ACSS1: variants seen among roughly 807,000 people sequenced by gnomAD.
ACSS1 encodes acyl-CoA synthetase short chain family member 1.
Under a neutral mutation model 75.3 loss-of-function variants are expected in ACSS1, and 42 were observed. The observed-to-expected ratio is 0.56, with a 90% CI of 0.44 to 0.72. ACSS1 has a LOEUF of 0.72. Ranked by LOEUF, ACSS1 falls within the 30% of genes least tolerant of loss-of-function variation. The probability of loss-of-function intolerance (pLI) is 0.00; values close to 1 mark genes in which losing one functional copy is unlikely to be tolerated. For missense variants in ACSS1, 782 were observed against 935.7 expected, an observed-to-expected ratio of 0.84 and a Z score of 2.14; for synonymous variants, 380 against 376.8, an observed-to-expected ratio of 1.01 and a Z score of -0.10.
intron 2 of ACSS1, among the ~76,000 whole-genome samples, chr20:25,042,678 C>G (rs2089023408): frequency 1.3e-5 from 2 of 152,142 alleles, no homozygotes; most frequent in Admixed American, 1.3e-4. Flanking sequence ...GGAGGGGGCA[C>G]ACTTTAGCTG....
At chr20:25,051,334 C>T (rs1829860355) in intron 1 of ACSS1, among the ~76,000 whole-genome samples, 1 of 152,352 alleles carries the variant, frequency 6.6e-6, no homozygotes, top group South Asian at 2.1e-4. Context: ...AGACCACTTG[C>T]GTCCTCGAGC....
At chr20:25,020,293 C>T (rs184434774) in intron 6 of ACSS1, 146 bp from the exon 7 acceptor site, 20 of 1,128,276 alleles carry the variant, frequency 1.8e-5, no homozygotes, top group East Asian at 1.7e-4. Context: ...CCCCCACCCC[C>T]GCCAGTGAAA....
intron 2 of ACSS1, among the ~76,000 whole-genome samples, chr20:25,035,545 A>C (rs564934723): frequency 1.3e-5 from 2 of 152,078 alleles, no homozygotes; most frequent in Non-Finnish European, 2.9e-5. Flanking sequence ...AGCTGGGACT[A>C]CAGGCGTGCA....
rs765030033 is a variant in ACSS1 at position 25,012,886 on chromosome 20, T to G, written c.1633A>C (p.Ile545Leu). The change falls in exon 11 of 14, where the codon ATC (isoleucine) becomes CTC (leucine). Residue 545 changes from isoleucine to leucine, a missense_variant. Ile to Leu is a conservative substitution (Grantham distance 5). Coordinates refer to ENST00000323482, the MANE Select transcript of ACSS1 (RefSeq NM_032501.4). ...AYRTEGGYYQITGRMDDVINI... is the reference protein window; with the variant it reads ...AYRTEGGYYQLTGRMDDVINI... ...ATGACATCATCCATCCGCCCTGTGATCTGGTAATAGCCGCCCTCAGTTCGG... is the reference window on the plus strand; with the variant it reads ...ATGACATCATCCATCCGCCCTGTGAGCTGGTAATAGCCGCCCTCAGTTCGG... 1.2e-6 allele frequency: 2 copies of G among 1,614,122 alleles called. No homozygotes were observed. Among genetic ancestry groups the G allele is most frequent in the Non-Finnish European group, 1.7e-6 (2 of 1,180,032 alleles).
chr20:25,032,737 C>T, intron 2 of ACSS1: 1 of 1,097,392 alleles, frequency 9.1e-7, no homozygotes, highest in African/African-American at 1.6e-5. Flanking sequence ...ACGAGGCCAC[C>T]CGGGAAACCA....
Position 25,021,543 on chromosome 20 carries a change from A to G in ACSS1, c.961-7T>C. 6.2e-7 allele frequency: 1 copy of G among 1,613,170 alleles called. No homozygotes were observed. Among genetic ancestry groups the G allele is most frequent in the Non-Finnish European group, 8.5e-7 (1 of 1,179,498 alleles). ...GCTGGTGGTCAAACACAAGCTGCAG[A>G]GACAGGAAAGGAGCATCAGGAGCTT... On this transcript the variant is annotated splice_polypyrimidine_tract_variant and splice_region_variant and intron_variant, in intron 5 of 13. Coordinates refer to ENST00000323482, the MANE Select transcript of ACSS1 (RefSeq NM_032501.4).
At chr20:25,014,403 C>G (rs1042293716) in intron 8 of ACSS1, among the ~76,000 whole-genome samples, 1 of 152,178 alleles carries the variant, frequency 6.6e-6, no homozygotes, top group Non-Finnish European at 1.5e-5. Context: ...TCTGGGCCAG[C>G]GCCCATTTGA....
intron 2 of ACSS1, among the ~76,000 whole-genome samples, chr20:25,037,001 A>AAGGAAGGAAGGAAGG (rs1568843584): frequency 6.6e-5 from 5 of 76,322 alleles, no homozygotes; most frequent in African/African-American, 8.8e-5. Context: ...AAGAAAGAAG[A>AAGGAAGGAAGGAAGG]AAGAAAGGAA....
At chr20:25,048,776 T>C (rs2089135686) in intron 1 of ACSS1, among the ~76,000 whole-genome samples, 1 of 152,204 alleles carries the variant, frequency 6.6e-6, no homozygotes, top group African/African-American at 2.4e-5. Context: ...TGCAGAAGGC[T>C]CTGCTCCCTC....
rs2122563301 is a variant in ACSS1, at chr20:25,006,778, T to C, written c.*984A>G. 2.0e-6 allele frequency: 3 copies of C among 1,491,336 alleles called. No homozygotes were observed. The highest frequency in any genetic ancestry group is 1.4e-5 in the African/African-American group (1 of 72,048). The allele number at this position is 1,491,336 out of a possible 1,614,324, so 92.4% of individuals were successfully genotyped here. A position where few individuals can be genotyped will look rare whatever the true frequency, so the allele number is the denominator to read the frequency against. ...ACTGGATCCAGACCTCCAAGTCTCA[T>C]CATTGGACCTCAGTGGTTCTCACCG... is the stretch of plus-strand genomic sequence containing the variant. On this transcript the variant is annotated 3_prime_UTR_variant, in exon 14 of 14. Coordinates refer to ENST00000323482, the MANE Select transcript of ACSS1 (RefSeq NM_032501.4).
intron 2 of ACSS1, among the ~76,000 whole-genome samples, chr20:25,047,595 C>T (rs1266847017): frequency 6.6e-6 from 1 of 152,152 alleles, no homozygotes; most frequent in African/African-American, 2.4e-5. Context: ...GACTTAGGAA[C>T]TCACAGTTTA....
intron 2 of ACSS1, among the ~76,000 whole-genome samples, chr20:25,038,788 T>C (rs2088956499): frequency 1.3e-5 from 2 of 152,266 alleles, no homozygotes; most frequent in East Asian, 3.9e-4. Flanking sequence ...GCCCGAGGCC[T>C]GTGCTTCCAA....
chr20:25,017,569 A>G (rs1169924879), intron 7 of ACSS1, among the ~76,000 whole-genome samples: 1 of 152,222 alleles, frequency 6.6e-6, no homozygotes, highest in Non-Finnish European at 1.5e-5. Context: ...CTCTGCGGCT[A>G]GAACCGGTTA....
chr20:25,021,061 G>C (rs1271106432), intron 6 of ACSS1, among the ~76,000 whole-genome samples: 1 of 152,192 alleles, frequency 6.6e-6, no homozygotes, highest in Non-Finnish European at 1.5e-5. Context: ...TTTGAGAAAG[G>C]GCTGGATCTG....
intron 1 of ACSS1, among the ~76,000 whole-genome samples, chr20:25,049,442 A>G (rs868716170): frequency 1.3e-5 from 2 of 152,148 alleles, no homozygotes; most frequent in Admixed American, 1.3e-4. Flanking sequence ...CTGGGTGCCA[A>G]TCCTGATCAA....
intron 4 of ACSS1, 110 bp downstream of exon 4, chr20:25,023,356 A>G: frequency 1.5e-6 from 2 of 1,322,630 alleles, no homozygotes; most frequent in Non-Finnish European, 2.1e-6. Flanking sequence ...CCACAGAGGA[A>G]CCCTGGGCAC....
In ACSS1 at chr20:25,009,381, A is replaced by C; in HGVS notation, c.1779T>G (p.Phe593Leu). The change falls in exon 13 of 14, where the codon TTT (phenylalanine) becomes TTG (leucine). Residue 593 changes from phenylalanine to leucine, a missense_variant. Phe to Leu is a conservative substitution (Grantham distance 22, BLOSUM62 0). Transcript: ENST00000323482. Reference sequence around the variant, plus strand: ...CACTATCTTTCACCACAATGAAGGCAAAGGCAGCTGAAAATAAAGCCAAGT... The same window carrying C: ...CACTATCTTTCACCACAATGAAGGCCAAGGCAGCTGAAAATAAAGCCAAGT... ...YPHDIKGEAA[F>L]AFIVVKDSAG... 1 of 1,613,988 alleles carries C rather than the reference A, an allele frequency of 6.2e-7. No individual in the cohort carries two copies. Among genetic ancestry groups the C allele is most frequent in the Non-Finnish European group, 8.5e-7 (1 of 1,179,812 alleles).
In ACSS1 at chr20:25,014,089, G is replaced by A. The variant is rs776754978; in HGVS notation, c.1340-16C>T. On this transcript the variant is annotated splice_polypyrimidine_tract_variant and intron_variant, in intron 8 of 13. Coordinates refer to ENST00000323482, the MANE Select transcript of ACSS1 (RefSeq NM_032501.4). ...CCACCTGTTTCTGCAGGTATGACAA[G>A]AAAGAAATGCATAATCGGCCCCGGA... 31 of 1,588,358 alleles carry A rather than the reference G, an allele frequency of 2.0e-5. No homozygotes were observed. The highest frequency in any genetic ancestry group is 2.7e-5 in the Non-Finnish European group (31 of 1,166,766).
chr20:25,043,866 G>C lies in ACSS1; in HGVS notation c.431+4219C>G, dbSNP rs567662417. 6.6e-5 allele frequency among the ~76,000 whole-genome samples: 10 copies of C among 152,328 alleles called. No individual in the cohort carries two copies. The East Asian group carries it at 1.7e-3, about 26-fold the overall frequency. On this transcript the variant is annotated intron_variant, in intron 2 of 13. Coordinates refer to ENST00000323482, the MANE Select transcript of ACSS1 (RefSeq NM_032501.4). ...TGAGGACACCAAAGCCCAGAGGGAT[G>C]GGTCCAAGGCCATAGGACAAGCCGG...
Sources: gnomAD v4.1 joint callset for allele counts (sites outside exome capture counted in the v4.1 genomes callset) on GRCh38, gnomAD v4.1.1 for gene constraint, MANE v1.5 for transcripts, NCBI Gene and HGNC (gene_info 2026-07-23, HGNC 2026-07-21) for gene names.